Variants in TRABD2B observed in about 807,000 individuals in gnomAD.
TRABD2B encodes the protein TraB domain containing 2B.
TRABD2B carries 14 observed loss-of-function variants against 40.1 expected under a neutral mutation model. That is an observed-to-expected ratio of 0.35 (90% CI 0.23 to 0.55). The LOEUF (loss-of-function observed/expected upper bound fraction) is 0.55, where lower values mean the gene tolerates loss of function less well. Among genes scored for constraint, TRABD2B ranks in the 20% least tolerant of loss-of-function variants. The pLI is 0.90. For missense variants in TRABD2B, 541 were observed against 648.6 expected, an observed-to-expected ratio of 0.83 and a Z score of 1.80; for synonymous variants, 263 against 277.0, an observed-to-expected ratio of 0.95 and a Z score of 0.50.
At chr1:47,769,188 A>C (rs1644347337) in intron 6 of TRABD2B, among the ~76,000 whole-genome samples, 1 of 151,786 alleles carries the variant, frequency 6.6e-6, no homozygotes, top group Admixed American at 6.6e-5. Context: ...AAAAATAAAA[A>C]AAAAGAAACC....
chr1:47,857,695 G>C (rs112842412), intron 2 of TRABD2B, among the ~76,000 whole-genome samples: 1 of 152,020 alleles, frequency 6.6e-6, no homozygotes. Context: ...TAATGAAAGA[G>C]TGAGGGAGTG....
In TRABD2B at chr1:47,773,174, G is replaced by C. The variant is rs529222770; in HGVS notation, c.1349+1996C>G. Reference sequence around the variant, plus strand: ...CTGATTACCCTAGTGTGTTGATCAGGGCTCTGAGTGACCAGCCTAATTGGA... The same window carrying C: ...CTGATTACCCTAGTGTGTTGATCAGCGCTCTGAGTGACCAGCCTAATTGGA... On this transcript the variant is annotated intron_variant, in intron 6 of 6. Transcript: ENST00000606738. Among the ~76,000 whole-genome samples the C allele has an allele frequency of 2.7e-4, 41 of 152,338 alleles. 1 individual carries two copies. The highest frequency in any genetic ancestry group is 4.0e-4 in the Non-Finnish European group (27 of 68,034).
chr1:47,893,939 G>C (rs1644483565), intron 2 of TRABD2B, among the ~76,000 whole-genome samples: 1 of 152,062 alleles, frequency 6.6e-6, no homozygotes, highest in Non-Finnish European at 1.5e-5. Context: ...TTCCAGGCCT[G>C]GCATTATCCC....
intron 2 of TRABD2B, among the ~76,000 whole-genome samples, chr1:47,930,741 T>C (rs1232034463): frequency 6.6e-6 from 1 of 152,106 alleles, no homozygotes; most frequent in East Asian, 1.9e-4. Flanking sequence ...TCCCTCCCAG[T>C]GGCCTTCACC....
At chr1:47,928,561 C>T (rs1644999285) in intron 2 of TRABD2B, among the ~76,000 whole-genome samples, 1 of 152,208 alleles carries the variant, frequency 6.6e-6, no homozygotes, top group Non-Finnish European at 1.5e-5. Context: ...ACAATGCAGA[C>T]ACAGTTGCTG....
At chr1:47,930,900 C>T (rs918187134) in intron 2 of TRABD2B, among the ~76,000 whole-genome samples, 1 of 152,136 alleles carries the variant, frequency 6.6e-6, no homozygotes, top group East Asian at 1.9e-4. Context: ...GTTGATTCTC[C>T]CTTGGTGCTC....
intron 2 of TRABD2B, among the ~76,000 whole-genome samples, chr1:47,866,015 G>C (rs1368681793): frequency 1.3e-5 from 2 of 150,810 alleles, no homozygotes; most frequent in Non-Finnish European, 2.9e-5. Flanking sequence ...TGAACATAAG[G>C]CTCTAGTAGA....
Position 47,994,550 on chromosome 1 carries a change from C to A in TRABD2B, c.150G>T (p.Pro50=), listed in dbSNP as rs113207784. Reference sequence around the variant, plus strand: ...CGTGAATAGTGCCAAACAGGTAGGCCGGAGGATCACGCCGAATCGTCCACA... The same window carrying A: ...CGTGAATAGTGCCAAACAGGTAGGCAGGAGGATCACGCCGAATCGTCCACA... ...SFLWTIRRDP[P]AYLFGTIHVP... Residue 50 remains proline, a synonymous_variant, in exon 2 of 7, where the codon CCG becomes CCT. Transcript: ENST00000606738. This position sits in a 1 kb window ranked among gnomAD's most constrained non-coding sequence, Gnocchi z 6.7. 6.5e-7 allele frequency: 1 copy of A among 1,535,878 alleles called. No homozygotes were observed. The highest frequency in any genetic ancestry group is 2.4e-5 in the East Asian group (1 of 40,916).
intron 2 of TRABD2B, among the ~76,000 whole-genome samples, chr1:47,925,628 T>C (rs1644959136): frequency 6.6e-6 from 1 of 152,226 alleles, no homozygotes; most frequent in Non-Finnish European, 1.5e-5. Context: ...CCTCATGCTC[T>C]GGTTTGGTTT....
intron 4 of TRABD2B, among the ~76,000 whole-genome samples, chr1:47,778,861 G>A (rs938793385): frequency 3.9e-5 from 6 of 152,294 alleles, no homozygotes; most frequent in Admixed American, 2.0e-4. Context: ...CTACCTGCAC[G>A]TAGTAAGGGC....
chr1:47,934,779 G>A (rs1645084781), intron 2 of TRABD2B, among the ~76,000 whole-genome samples: 1 of 152,144 alleles, frequency 6.6e-6, no homozygotes, highest in Admixed American at 6.5e-5. Context: ...GCTTAGAGTG[G>A]AGATGTAACA....
chr1:47,821,276 CAT>C (rs775615921), intron 2 of TRABD2B, among the ~76,000 whole-genome samples: 32 of 152,166 alleles, frequency 2.1e-4, no homozygotes, highest in Non-Finnish European at 4.1e-4. Flanking sequence ...GACAGAGAAA[CAT>C]ATTAGCAGTC....
chr1:47,892,581 AC>A (rs759665387), intron 2 of TRABD2B, among the ~76,000 whole-genome samples: 1 of 152,182 alleles, frequency 6.6e-6, no homozygotes, highest in Non-Finnish European at 1.5e-5. Context: ...GAGCCCTGGG[AC>A]CCTCCAGAGT....
At chr1:47,895,886 T>A (rs554046036) in intron 2 of TRABD2B, among the ~76,000 whole-genome samples, 2 of 152,324 alleles carry the variant, frequency 1.3e-5, no homozygotes, top group South Asian at 4.1e-4. Flanking sequence ...TAGTGTTTGC[T>A]TTCCCCCAGG....
chr1:47,820,960 T>C (rs2124407317), intron 2 of TRABD2B, among the ~76,000 whole-genome samples: 1 of 152,100 alleles, frequency 6.6e-6, no homozygotes, highest in South Asian at 2.1e-4. Context: ...CCTCAAAGAG[T>C]TCTTTCCTTC....
chr1:47,854,145 A>C (rs1472108739), intron 2 of TRABD2B, among the ~76,000 whole-genome samples: 1 of 152,164 alleles, frequency 6.6e-6, no homozygotes, highest in Non-Finnish European at 1.5e-5. Context: ...AGGCCACTTC[A>C]ATTTCTGAAC....
chr1:47,801,477 G>T lies in TRABD2B; in HGVS notation c.809C>A (p.Ser270Tyr). The T allele has an allele frequency of 6.5e-7, 1 of 1,535,974 alleles. No homozygotes were observed. Among genetic ancestry groups the T allele is most frequent in the Non-Finnish European group, 8.7e-7 (1 of 1,146,796 alleles). ...LSAVIFNHDT[S>Y]QLPNFINTTL... Reference sequence around the variant, plus strand: ...GTCTTTGGAGAGGAGCCTCACCTGGGATGTGTCGTGGTTGAAGATGACTGC... The same window carrying T: ...GTCTTTGGAGAGGAGCCTCACCTGGTATGTGTCGTGGTTGAAGATGACTGC... The change falls in exon 3 of 7, where the codon TCC becomes TAC. Residue 270 changes from serine to tyrosine, a missense_variant. This residue lies in a region of TRABD2B where 369 missense variants were observed against 492.8 expected (regional missense o/e 0.75). Transcript: ENST00000606738.
At chr1:47,846,857 T>TACACACACACACACACAC (rs67359073) in intron 2 of TRABD2B, among the ~76,000 whole-genome samples, 141 of 106,496 alleles carry the variant, frequency 1.3e-3, no homozygotes, top group East Asian at 5.0e-3. Flanking sequence ...AAAACATGCA[T>TACACACACACACACACAC]ACACACACAC....
chr1:47,944,869 ACATC>A (rs1645239322), intron 2 of TRABD2B, among the ~76,000 whole-genome samples: 2 of 152,232 alleles, frequency 1.3e-5, no homozygotes. Flanking sequence ...CCGGGAGGGA[ACATC>A]TCAGAGGAGA....
Sources: allele counts gnomAD v4.1 joint callset (sites outside exome capture counted in the v4.1 genomes callset), GRCh38; gene constraint gnomAD v4.1.1; regional missense constraint gnomAD v4.1.1; non-coding constraint Gnocchi (gnomAD v3.1); transcripts MANE v1.5; gene names NCBI Gene and HGNC (gene_info 2026-07-23, HGNC 2026-07-21).